The following PRSS3 variants were observed in gnomAD, a reference collection of about 807,000 sequenced individuals.
PRSS3 encodes trypsin-3.
PRSS3 carries 14 observed loss-of-function variants against 20.8 expected under a neutral mutation model. That is an observed-to-expected ratio of 0.67 (90% CI 0.44 to 1.05). PRSS3 has a LOEUF of 1.05. Ranked by LOEUF, PRSS3 falls within the 50% of genes least tolerant of loss-of-function variation. The pLI, the probability that PRSS3 is intolerant of heterozygous loss-of-function variation, is 0.00. For synonymous variants in PRSS3, 91 were observed against 117.6 expected, an observed-to-expected ratio of 0.77 and a Z score of 1.46; for missense variants, 237 against 306.4, an observed-to-expected ratio of 0.77 and a Z score of 1.69.
chr9:33,765,822 G>A (rs1372493027), intron 1 of PRSS3, among the ~76,000 whole-genome samples: 3 of 152,192 alleles, frequency 2.0e-5, no homozygotes, highest in African/African-American at 7.2e-5. Context: ...GGAGACTACT[G>A]CATATCCAAG....
chr9:33,774,125 G>A (rs1181352227), intron 1 of PRSS3, among the ~76,000 whole-genome samples: 3 of 151,992 alleles, frequency 2.0e-5, no homozygotes, highest in Non-Finnish European at 2.9e-5. Flanking sequence ...GCCTATATTT[G>A]GAAAATGGGT....
intron 1 of PRSS3, among the ~76,000 whole-genome samples, chr9:33,785,209 G>T (rs1431803630): frequency 1.0e-5 from 1 of 96,348 alleles, no homozygotes; most frequent in Admixed American, 1.4e-4. Context: ...ACGGAGTCTC[G>T]CTCTGTCGCC....
chr9:33,765,905 T>TC (rs1023897471), intron 1 of PRSS3, among the ~76,000 whole-genome samples: 3 of 152,072 alleles, frequency 2.0e-5, no homozygotes, highest in Non-Finnish European at 4.4e-5. Flanking sequence ...AATTCAAACG[T>TC]CCATCTACTA....
chr9:33,788,721 T>C (rs568378048), intron 1 of PRSS3, among the ~76,000 whole-genome samples: 1 of 152,304 alleles, frequency 6.6e-6, no homozygotes, highest in East Asian at 1.9e-4. Flanking sequence ...AAAACTTAAA[T>C]TGGTATACCT....
At chr9:33,791,183 TCTG>T (rs1295387172), upstream of PRSS3, among the ~76,000 whole-genome samples, 2 of 152,218 alleles carry the variant, frequency 1.3e-5, no homozygotes, top group Non-Finnish European at 2.9e-5. Flanking sequence ...CCAATCCCCT[TCTG>T]CTGCCTTACC....
intron 1 of PRSS3, among the ~76,000 whole-genome samples, chr9:33,756,863 T>C (rs147295256): frequency 6.6e-6 from 1 of 152,256 alleles, no homozygotes; most frequent in Admixed American, 6.5e-5. Context: ...CTTTTAATGT[T>C]GCTTTTGGCC....
chr9:33,764,159 A>G (rs942936168), intron 1 of PRSS3, among the ~76,000 whole-genome samples: 2 of 152,216 alleles, frequency 1.3e-5, no homozygotes, highest in Non-Finnish European at 2.9e-5. Flanking sequence ...AGTCTTATTA[A>G]CAAATGGCTG....
chr9:33,752,211 A>T (rs1358928772), intron 1 of PRSS3, among the ~76,000 whole-genome samples: 5 of 152,056 alleles, frequency 3.3e-5, no homozygotes, highest in Admixed American at 6.5e-5. Flanking sequence ...CTTCTGGTTG[A>T]TGTTGGTTGT....
chr9:33,797,934 C>G lies in PRSS3; in HGVS notation c.306C>G (p.Asp102Glu), dbSNP rs202002598. The G allele has an allele frequency of 1.2e-4, 178 of 1,456,120 alleles. No individual in the cohort carries two copies. The highest frequency in any genetic ancestry group is 1.6e-4 in the Non-Finnish European group (169 of 1,071,390). The allele number at this position is 1,456,120 out of a possible 1,614,324, so 90.2% of individuals were successfully genotyped here. A position where few individuals can be genotyped will look rare whatever the true frequency, so the allele number is the denominator to read the frequency against. The change falls in exon 3 of 5, where the codon GAC becomes GAG. Residue 102 changes from aspartate to glutamate, a missense_variant. Asp to Glu is a conservative substitution (Grantham distance 45). Transcript: ENST00000379405. ...TCCGCCACCCTAAATACAACAGGGA[C>G]ACTCTGGACAATGACATCATGCTGA... Reference protein sequence around the residue: ...KIIRHPKYNRDTLDNDIMLIK... With the variant: ...KIIRHPKYNRETLDNDIMLIK...
At chr9:33,767,221 C>G (rs10971692) in intron 1 of PRSS3, among the ~76,000 whole-genome samples, 38,862 of 151,434 alleles carry the variant, frequency 0.26, 5,182 homozygotes, top group Non-Finnish European at 0.28. Context: ...TTGGGAGGCC[C>G]AGGCAGGTGG....
In PRSS3 at chr9:33,750,852, G is replaced by T. The variant is rs780704353; in HGVS notation, c.-53+125G>T. The T allele has an allele frequency of 1.2e-4, 161 of 1,384,900 alleles. No homozygotes were observed. Among genetic ancestry groups the T allele is most frequent in the Non-Finnish European group, 1.4e-4 (153 of 1,076,358 alleles). 85.8% of individuals were successfully genotyped at this position (1,384,900 alleles called of 1,614,324 possible). On this transcript the variant is annotated intron_variant, in intron 1 of 5. Coordinates refer to the PRSS3 transcript ENST00000342836. This position sits in a 1 kb window ranked among gnomAD's most constrained non-coding sequence, Gnocchi z 4.8. ...GACTCGCATGGGACCTGCGGGGGAG[G>T]GTACGCGGACAGGGAGGGGATACCG... is the stretch of plus-strand genomic sequence containing the variant.
chr9:33,762,969 G>A (rs117658173), intron 1 of PRSS3, among the ~76,000 whole-genome samples: 1 of 152,158 alleles, frequency 6.6e-6, no homozygotes, highest in Non-Finnish European at 1.5e-5. Context: ...CTCCAAGGTG[G>A]TATTAATGTC....
At chr9:33,794,736 C>G, upstream of PRSS3, 2 of 1,543,762 alleles carry the variant, frequency 1.3e-6, no homozygotes, top group Admixed American at 3.9e-5. Flanking sequence ...TTGCATCACC[C>G]TAAGTGCAGG....
chr9:33,760,483 A>C (rs991402509), intron 1 of PRSS3, among the ~76,000 whole-genome samples: 1 of 152,132 alleles, frequency 6.6e-6, no homozygotes, highest in Non-Finnish European at 1.5e-5. Context: ...GCGGTGGCTC[A>C]CGCCTGTAAT....
chr9:33,770,586 T>A (rs1238390431), intron 1 of PRSS3, among the ~76,000 whole-genome samples: 1 of 152,194 alleles, frequency 6.6e-6, no homozygotes, highest in Non-Finnish European at 1.5e-5. Context: ...GTGACTCTTT[T>A]GAGATAAGAT....
upstream of PRSS3, among the ~76,000 whole-genome samples, chr9:33,791,523 T>C (rs915562578): frequency 5.9e-5 from 9 of 152,154 alleles, no homozygotes; most frequent in African/African-American, 1.9e-4. Context: ...CTAGTATAAT[T>C]TAGAAAAATA....
intron 1 of PRSS3, among the ~76,000 whole-genome samples, chr9:33,774,117 C>T (rs1587382196): frequency 6.6e-6 from 1 of 152,064 alleles, no homozygotes; most frequent in African/African-American, 2.4e-5. Context: ...GGGGCTTAGC[C>T]TATATTTGGA....
chr9:33,792,031 T>C (rs1038027357), upstream of PRSS3, among the ~76,000 whole-genome samples: 1 of 152,202 alleles, frequency 6.6e-6, no homozygotes, highest in African/African-American at 2.4e-5. Flanking sequence ...TGCGACTCCA[T>C]ATTACAAGTC....
intron 1 of PRSS3, among the ~76,000 whole-genome samples, chr9:33,787,682 G>A (rs10116485): frequency 0.019 from 2,861 of 152,272 alleles, 90 homozygotes; most frequent in African/African-American, 0.065. Flanking sequence ...AGACCCAGTT[G>A]CTCCTGAAGA....
Sources: allele counts gnomAD v4.1 joint callset (sites outside exome capture counted in the v4.1 genomes callset), GRCh38; gene constraint gnomAD v4.1.1; non-coding constraint Gnocchi (gnomAD v3.1); transcripts MANE v1.5; gene names NCBI Gene and HGNC (gene_info 2026-07-23, HGNC 2026-07-21).